Variants in SYT1 observed in about 807,000 individuals in gnomAD.
SYT1 encodes the protein synaptotagmin-1.
SYT1 carries 8 observed loss-of-function variants against 44.8 expected under a neutral mutation model. The observed-to-expected ratio is 0.18, with a 90% CI of 0.10 to 0.32. The LOEUF is 0.32. SYT1 is among the 10% of genes least tolerant of loss of function. SYT1 has a pLI of 1.00. For missense variants in SYT1, 286 were observed against 509.3 expected (o/e 0.56, Z 4.22); for synonymous variants, 154 against 188.8 (o/e 0.82, Z 1.51).
At chr12:79,130,756 T>C (rs1565819739) in intron 3 of SYT1, among the ~76,000 whole-genome samples, 1 of 152,140 alleles carries the variant, frequency 6.6e-6, no homozygotes, top group African/African-American at 2.4e-5. Context: ...TGTTATGTCA[T>C]AAATAATTTG....
At chr12:79,448,691 A>G (rs1870866177) in intron 10 of SYT1, among the ~76,000 whole-genome samples, 1 of 152,224 alleles carries the variant, frequency 6.6e-6, no homozygotes. Flanking sequence ...CAATATTAAT[A>G]GGATCTATTA....
rs1565697333 is a variant in SYT1, at chr12:78,876,637, A to ACACATATGTATATACACACGTGTG, written c.-217+11534_-217+11557dup. Among the ~76,000 whole-genome samples, 18 of 133,608 alleles carry ACACATATGTATATACACACGTGTG rather than the reference A, an allele frequency of 1.3e-4. 1 individual carries two copies. The highest frequency in any genetic ancestry group is 4.2e-4 in the East Asian group (2 of 4,752). The allele number at this position is 133,608 out of a possible 152,430, so 87.7% of individuals were successfully genotyped here. ...TACACATATGTATATACACACGTGT[A>ACACATATGTATATACACACGTGTG]CACATATGTATATACACACGTGTGC... is the stretch of plus-strand genomic sequence containing the variant. On this transcript the variant is annotated intron_variant, in intron 1 of 10. Coordinates refer to ENST00000261205, the MANE Select transcript of SYT1 (RefSeq NM_005639.3).
intron 2 of SYT1, among the ~76,000 whole-genome samples, chr12:78,997,032 A>G (rs60568630): frequency 1.3e-5 from 2 of 152,218 alleles, no homozygotes; most frequent in East Asian, 3.8e-4. Context: ...TCAAAAGCAA[A>G]TACAGGGAGG....
At chr12:79,297,197 G>A (rs1278660407) in intron 7 of SYT1, among the ~76,000 whole-genome samples, 1 of 152,044 alleles carries the variant, frequency 6.6e-6, no homozygotes, top group East Asian at 1.9e-4. Flanking sequence ...GAGTTTTCAA[G>A]ACAAAGGTCC....
At chr12:79,334,938 G>C (rs1337543236) in intron 8 of SYT1, among the ~76,000 whole-genome samples, 1 of 152,066 alleles carries the variant, frequency 6.6e-6, no homozygotes, top group Non-Finnish European at 1.5e-5. Flanking sequence ...CATTCACAAA[G>C]CTGGTCTTTT....
chr12:79,388,247 T>A (rs187088285), intron 9 of SYT1, among the ~76,000 whole-genome samples: 1 of 152,342 alleles, frequency 6.6e-6, no homozygotes, highest in Admixed American at 6.5e-5. Context: ...ACAATAGTTT[T>A]CTAGTTCCTT....
At chr12:79,253,572 T>C (rs752980287) in intron 4 of SYT1, among the ~76,000 whole-genome samples, 2 of 149,920 alleles carry the variant, frequency 1.3e-5, no homozygotes, top group Non-Finnish European at 3.0e-5. Context: ...ATATTGAAAT[T>C]AGGCCAATTA....
intron 3 of SYT1, among the ~76,000 whole-genome samples, chr12:79,188,205 C>T (rs941289920): frequency 6.6e-6 from 1 of 151,932 alleles, no homozygotes; most frequent in African/African-American, 2.4e-5. Flanking sequence ...GCATGTAATA[C>T]AGTAAAAAAC....
At chr12:78,955,047 G>T (rs889956734) in intron 1 of SYT1, among the ~76,000 whole-genome samples, 1 of 152,104 alleles carries the variant, frequency 6.6e-6, no homozygotes, top group African/African-American at 2.4e-5. Flanking sequence ...TGCCTTTTGA[G>T]ATTTGCTTTT....
At chr12:79,046,883 G>A (rs1372973289) in intron 2 of SYT1, among the ~76,000 whole-genome samples, 2 of 151,876 alleles carry the variant, frequency 1.3e-5, no homozygotes, top group Non-Finnish European at 2.9e-5. Context: ...ACATGGGGCT[G>A]TACAAGGTTG....
In SYT1 at chr12:78,878,163, A is replaced by T. The variant is rs551904288; in HGVS notation, c.-217+13054A>T. ...TTTTTTGTGTGTGTGTGTGTGGATA[A>T]ACTTTCTTGTAGATCGGAAGAGGAT... On this transcript the variant is annotated intron_variant, in intron 1 of 10. Coordinates refer to ENST00000261205, the MANE Select transcript of SYT1 (RefSeq NM_005639.3). Among the ~76,000 whole-genome samples the T allele has an allele frequency of 5.3e-5, 8 of 151,666 alleles. No individual in the cohort carries two copies. The South Asian group carries it at 1.7e-3, about 31-fold the overall frequency.
At chr12:78,901,606 G>A (rs1263502870) in intron 1 of SYT1, among the ~76,000 whole-genome samples, 1 of 152,118 alleles carries the variant, frequency 6.6e-6, no homozygotes, top group Non-Finnish European at 1.5e-5. Flanking sequence ...AGTAACACAA[G>A]TGTAAATTGG....
chr12:79,162,592 T>C (rs977278449), intron 3 of SYT1, among the ~76,000 whole-genome samples: 2 of 152,156 alleles, frequency 1.3e-5, no homozygotes, highest in Non-Finnish European at 2.9e-5. Context: ...TGCTGAGCAC[T>C]ATATGCTAAT....
At chr12:79,421,094 GT>G (rs1177445840) in intron 9 of SYT1, among the ~76,000 whole-genome samples, 2 of 152,070 alleles carry the variant, frequency 1.3e-5, no homozygotes, top group African/African-American at 4.8e-5. Context: ...TACTTTCAAA[GT>G]AGACCTAAAA....
intron 3 of SYT1, among the ~76,000 whole-genome samples, chr12:79,110,931 C>G (rs1037174156): frequency 6.6e-6 from 1 of 152,036 alleles, no homozygotes; most frequent in African/African-American, 2.4e-5. Context: ...GTGATTTGCC[C>G]AAGGACATGC....
intron 1 of SYT1, among the ~76,000 whole-genome samples, chr12:78,934,065 T>G (rs950864276): frequency 6.6e-6 from 1 of 151,982 alleles, no homozygotes; most frequent in Non-Finnish European, 1.5e-5. Flanking sequence ...GAACCACAGA[T>G]AGTAGTAAAC....
intron 2 of SYT1, among the ~76,000 whole-genome samples, chr12:79,020,322 A>G (rs1215372213): frequency 6.6e-6 from 1 of 151,958 alleles, no homozygotes; most frequent in African/African-American, 2.4e-5. Flanking sequence ...TTGCTGCAAC[A>G]AGTCCACCTG....
In SYT1 at chr12:78,934,894, G is replaced by A. The variant is rs1040961373; in HGVS notation, c.-216-42905G>A. On this transcript the variant is annotated intron_variant, in intron 1 of 10. Coordinates refer to ENST00000261205, the MANE Select transcript of SYT1 (RefSeq NM_005639.3). The stretch of plus-strand genomic sequence containing the variant: ...AATCTTGAATTTAGGAATTCAAGCA[G>A]ATCGTGCTTTCTGCCCTTAGAGAAA... 3.9e-5 allele frequency among the ~76,000 whole-genome samples: 6 copies of A among 152,126 alleles called. No homozygotes were observed. The East Asian group carries it at 1.2e-3, about 29-fold the overall frequency.
intron 1 of SYT1, among the ~76,000 whole-genome samples, chr12:78,963,423 A>G (rs1728810237): frequency 6.6e-6 from 1 of 152,108 alleles, no homozygotes; most frequent in Non-Finnish European, 1.5e-5. Context: ...ATAGATAATG[A>G]TGGGTAAATT....
Sources: allele counts gnomAD v4.1 joint callset (sites outside exome capture counted in the v4.1 genomes callset), GRCh38; gene constraint gnomAD v4.1.1; transcripts MANE v1.5; gene names NCBI Gene and HGNC (gene_info 2026-07-23, HGNC 2026-07-21).